SV2C: variants seen among roughly 807,000 people sequenced by gnomAD.
SV2C encodes solute carrier family 22 member B3.
Under a neutral mutation model 79.7 loss-of-function variants are expected in SV2C, and 49 were observed. The observed-to-expected ratio is 0.61, with a 90% CI of 0.49 to 0.78. The LOEUF (loss-of-function observed/expected upper bound fraction) is 0.78, where lower values mean the gene tolerates loss of function less well. SV2C is among the 30% of genes least tolerant of loss of function. The pLI, the probability that SV2C is intolerant of heterozygous loss-of-function variation, is 0.00. For synonymous variants in SV2C, 334 were observed against 333.2 expected (o/e 1.00, Z -0.03); for missense variants, 833 against 912.9 (o/e 0.91, Z 1.13).
intron 9 of SV2C, among the ~76,000 whole-genome samples, chr5:76,298,493 C>T (rs1747853031): frequency 6.6e-6 from 1 of 152,184 alleles, no homozygotes; most frequent in Admixed American, 6.5e-5. Flanking sequence ...AATCCCCAAA[C>T]TATCTTCAGT....
intron 1 of SV2C, among the ~76,000 whole-genome samples, chr5:76,127,172 C>A (rs1009423530): frequency 6.6e-6 from 1 of 152,124 alleles, no homozygotes; most frequent in Admixed American, 6.6e-5. Context: ...AGGAGTAAAG[C>A]AAAGGGAAGA....
At chr5:76,349,009 AAAAG>A (rs1288109121) in intron 12 of SV2C, among the ~76,000 whole-genome samples, 1 of 152,084 alleles carries the variant, frequency 6.6e-6, no homozygotes, top group Non-Finnish European at 1.5e-5. Context: ...GAAAAAGAGA[AAAAG>A]AACATGGATG....
the SV2C span, among the ~76,000 whole-genome samples, chr5:75,973,798 G>A: frequency 2.0e-5 from 3 of 152,008 alleles, no homozygotes; most frequent in East Asian, 1.9e-4. Flanking sequence ...GATGTATGGT[G>A]TCTAGTATAC....
chr5:75,945,231 A>G, the SV2C span, among the ~76,000 whole-genome samples: 2 of 152,260 alleles, frequency 1.3e-5, no homozygotes, highest in South Asian at 4.1e-4. Context: ...TAGTATCTGA[A>G]GACCTGAACA....
chr5:75,896,912 G>T, the SV2C span, among the ~76,000 whole-genome samples: 1 of 145,958 alleles, frequency 6.9e-6, no homozygotes, highest in Admixed American at 6.6e-5. Flanking sequence ...TTTTGATGGG[G>T]TTGTTTGTTT....
chr5:76,115,103 T>C (rs1007715921), intron 1 of SV2C, among the ~76,000 whole-genome samples: 1 of 152,214 alleles, frequency 6.6e-6, no homozygotes, highest in African/African-American at 2.4e-5. Context: ...TAGGTCATTT[T>C]AATATGTCTG....
chr5:76,186,955 A>G (rs1743939564), intron 2 of SV2C, among the ~76,000 whole-genome samples: 1 of 152,120 alleles, frequency 6.6e-6, no homozygotes, highest in South Asian at 2.1e-4. Context: ...TTACAATTCG[A>G]GGTAAGATTT....
intron 1 of SV2C, among the ~76,000 whole-genome samples, chr5:76,102,463 C>T (rs1407126004): frequency 6.6e-6 from 1 of 152,146 alleles, no homozygotes; most frequent in African/African-American, 2.4e-5. Context: ...TATCCAGTAG[C>T]AATTACTCTA....
intron 4 of SV2C, among the ~76,000 whole-genome samples, chr5:76,270,200 G>A (rs1055014485): frequency 1.3e-5 from 2 of 152,288 alleles, no homozygotes; most frequent in East Asian, 3.9e-4. Flanking sequence ...ATAACCTGAA[G>A]GAAACATGCT....
chr5:76,315,410 T>TCCAACATATTTGGA (rs1163702091), intron 12 of SV2C, among the ~76,000 whole-genome samples: 1 of 152,194 alleles, frequency 6.6e-6, no homozygotes, highest in African/African-American at 2.4e-5. Flanking sequence ...AAAATCGACT[T>TCCAACATATTTGGA]CCAACATATT....
the SV2C span, among the ~76,000 whole-genome samples, chr5:76,071,935 C>T: frequency 8.9e-4 from 135 of 152,202 alleles, no homozygotes; most frequent in Middle Eastern, 3.4e-3. Context: ...GGAAGACCTA[C>T]GGGAATATTC....
At chr5:76,265,391 C>T (rs1358655958) in intron 4 of SV2C, among the ~76,000 whole-genome samples, 2 of 152,150 alleles carry the variant, frequency 1.3e-5, no homozygotes, top group South Asian at 2.1e-4. Context: ...TCCTGGGCTC[C>T]GTGGGAGTGG....
chr5:76,002,170 G>GTATATATATA, the SV2C span, among the ~76,000 whole-genome samples: 1 of 150,352 alleles, frequency 6.7e-6, no homozygotes, highest in African/African-American at 2.4e-5. Flanking sequence ...TTTTGTGTGT[G>GTATATATATA]TATATATATA....
intron 2 of SV2C, among the ~76,000 whole-genome samples, chr5:76,135,629 C>T (rs1292070897): frequency 6.6e-6 from 1 of 152,178 alleles, no homozygotes; most frequent in Non-Finnish European, 1.5e-5. Flanking sequence ...GCACAATAAA[C>T]ACAATGAGCC....
At chr5:76,186,463 A>G (rs7448004) in intron 2 of SV2C, among the ~76,000 whole-genome samples, 120,796 of 152,128 alleles carry the variant, frequency 0.79, 48,541 homozygotes, top group East Asian at 0.91. Flanking sequence ...AGGCCAAGGC[A>G]GGCAGATCAC....
At chr5:76,279,882 G>A (rs578147340) in intron 4 of SV2C, among the ~76,000 whole-genome samples, 9 of 152,112 alleles carry the variant, frequency 5.9e-5, no homozygotes, top group South Asian at 2.1e-4. Context: ...CAGGAGTTCC[G>A]TCCTTGAGGG....
At chr5:76,274,583 T>G (rs1240041440) in intron 4 of SV2C, among the ~76,000 whole-genome samples, 1 of 152,156 alleles carries the variant, frequency 6.6e-6, no homozygotes, top group African/African-American at 2.4e-5. Flanking sequence ...AATAGTTATA[T>G]GATATTCCAT....
At chr5:75,891,852 C>T in the SV2C span, among the ~76,000 whole-genome samples, 1 of 151,952 alleles carries the variant, frequency 6.6e-6, no homozygotes, top group Non-Finnish European at 1.5e-5. Context: ...AAGGTCTCAT[C>T]TAGTCTGTGA....
intron 4 of SV2C, among the ~76,000 whole-genome samples, chr5:76,211,559 C>T (rs545129453): frequency 5.1e-4 from 77 of 151,634 alleles, no homozygotes; most frequent in Non-Finnish European, 8.7e-4. Flanking sequence ...ATAGGAATAC[C>T]GTATAAATTA....
Sources: allele counts gnomAD v4.1 joint callset (sites outside exome capture counted in the v4.1 genomes callset), GRCh38; gene constraint gnomAD v4.1.1; transcripts MANE v1.5; gene names NCBI Gene and HGNC (gene_info 2026-07-23, HGNC 2026-07-21).